Variants in CUX1 observed in about 807,000 individuals in gnomAD.
CUX1 encodes the protein protein CASP.
In CUX1, 31 loss-of-function variants were observed where a neutral mutation model predicts 158.8. That is an observed-to-expected ratio of 0.20 (90% CI 0.15 to 0.26). The LOEUF is 0.26. CUX1 is among the 10% of genes least tolerant of loss of function. CUX1 has a pLI of 1.00. For missense variants in CUX1, 1,589 were observed against 2,014.6 expected, an observed-to-expected ratio of 0.79 and a Z score of 4.04; for synonymous variants, 879 against 862.1, an observed-to-expected ratio of 1.02 and a Z score of -0.34.
chr7:102,203,233 T>G (rs1795630836), intron 18 of CUX1, among the ~76,000 whole-genome samples: 1 of 152,142 alleles, frequency 6.6e-6, no homozygotes, highest in Admixed American at 6.5e-5. Context: ...CCCCCTACCA[T>G]TTTAGATTAA....
chr7:101,982,702 C>T (rs1471043522), intron 2 of CUX1, among the ~76,000 whole-genome samples: 2 of 151,968 alleles, frequency 1.3e-5, no homozygotes, highest in Admixed American at 6.6e-5. Flanking sequence ...GCTGGGATTA[C>T]AGGTGTGAGC....
intron 1 of CUX1, among the ~76,000 whole-genome samples, chr7:101,870,144 G>GTTTTTTTGTTT (rs1798345044): frequency 9.0e-6 from 1 of 111,206 alleles, no homozygotes; most frequent in African/African-American, 3.7e-5. Context: ...GATGTTTAGT[G>GTTTTTTTGTTT]TTTTTTTTGT....
chr7:101,949,569 C>T (rs995603536), intron 2 of CUX1, among the ~76,000 whole-genome samples: 16 of 147,220 alleles, frequency 1.1e-4, no homozygotes, highest in African/African-American at 4.0e-4. Flanking sequence ...CTCACTCTGT[C>T]GCCCAGGCTG....
At chr7:101,881,479 C>G (rs1210272186) in intron 1 of CUX1, among the ~76,000 whole-genome samples, 1 of 152,210 alleles carries the variant, frequency 6.6e-6, no homozygotes, top group Non-Finnish European at 1.5e-5. Context: ...CTTGATTCCT[C>G]CTCGCTGGCT....
intron 1 of CUX1, among the ~76,000 whole-genome samples, chr7:101,907,724 A>G (rs1170179310): frequency 1.3e-5 from 2 of 152,080 alleles, no homozygotes; most frequent in Non-Finnish European, 1.5e-5. Flanking sequence ...GGAGCCCACG[A>G]AGAGAACAAA....
intron 1 of CUX1, among the ~76,000 whole-genome samples, chr7:101,900,101 A>G (rs1379889899): frequency 6.6e-6 from 1 of 152,200 alleles, no homozygotes; most frequent in East Asian, 1.9e-4. Flanking sequence ...TCACTGTTCC[A>G]GCGCCCAGAA....
chr7:101,879,750 C>A (rs1799526302), intron 1 of CUX1, among the ~76,000 whole-genome samples: 1 of 152,272 alleles, frequency 6.6e-6, no homozygotes, highest in Non-Finnish European at 1.5e-5. Flanking sequence ...CCGCAGGGTC[C>A]TTGGTGGAGC....
intron 2 of CUX1, among the ~76,000 whole-genome samples, chr7:101,979,154 A>G (rs1813096062): frequency 6.6e-6 from 1 of 152,136 alleles, no homozygotes; most frequent in Non-Finnish European, 1.5e-5. Context: ...CATGTTGACC[A>G]CTCAGAAAAC....
Position 102,038,842 on chromosome 7 carries a change from C to A in CUX1, c.189+10697C>A, listed in dbSNP as rs148978651. On this transcript the variant is annotated intron_variant, in intron 3 of 23. Transcript: ENST00000292535. ...TGGTGGCACATGCCTGTAGTCCCAG[C>A]TACTCAGGAGGCTGAGGCAGGAGGA... Among the ~76,000 whole-genome samples the A allele has an allele frequency of 8.9e-4, 135 of 152,186 alleles. 1 individual carries two copies. The highest frequency in any genetic ancestry group is 2.9e-3 in the African/African-American group (121 of 41,518).
At chr7:102,143,688 A>T (rs1284872388) in intron 8 of CUX1, among the ~76,000 whole-genome samples, 1 of 152,258 alleles carries the variant, frequency 6.6e-6, no homozygotes, top group African/African-American at 2.4e-5. Context: ...GCAAGTGGGT[A>T]AACGGGATTC....
intron 14 of CUX1, chr7:102,264,978 G>A (rs1294473472): frequency 6.6e-6 from 1 of 152,212 alleles, no homozygotes; most frequent in African/African-American, 2.4e-5. Context: ...CTGGTGCCTA[G>A]ACCACAGACA....
In CUX1 at chr7:102,099,009, A is replaced by T. The variant is rs115732552; in HGVS notation, c.406+1508A>T. Among the ~76,000 whole-genome samples the T allele has an allele frequency of 3.5e-3, 528 of 152,082 alleles. 4 individuals are homozygous for T. Among genetic ancestry groups the T allele is most frequent in the African/African-American group, 0.012 (502 of 41,492 alleles). ...TCCTTTGGCTTTAAAAACACTGCAG[A>T]TAGACCAGGGAAGAAGAATTGTCCA... On this transcript the variant is annotated intron_variant, in intron 5 of 23. Transcript: ENST00000292535.
At chr7:102,170,945 T>G (rs1586029346) in intron 10 of CUX1, among the ~76,000 whole-genome samples, 2 of 134,142 alleles carry the variant, frequency 1.5e-5, no homozygotes, top group African/African-American at 5.8e-5. Context: ...CTTTCCAAGA[T>G]GAGGAACAGT....
intron 20 of CUX1, 57 bp downstream of exon 20, chr7:102,205,227 T>A: frequency 7.7e-7 from 1 of 1,301,768 alleles, no homozygotes; most frequent in East Asian, 2.3e-5. Context: ...TTTTCTGTTG[T>A]CCCGTGCTGT....
At chr7:102,091,161 A>G (rs1554482089) in intron 4 of CUX1, among the ~76,000 whole-genome samples, 2 of 152,244 alleles carry the variant, frequency 1.3e-5, no homozygotes, top group Admixed American at 1.3e-4. Context: ...TAAAATAGTT[A>G]TTTTCCTCAA....
chr7:102,277,925 C>CT, intron 17 of CUX1: 5 of 1,037,298 alleles, frequency 4.8e-6, no homozygotes, highest in Admixed American at 4.7e-5. Context: ...TCCCCCACCC[C>CT]TTTCCTTGCC....
intron 20 of CUX1, among the ~76,000 whole-genome samples, chr7:102,216,762 T>A (rs1019438587): frequency 3.7e-5 from 4 of 107,926 alleles, no homozygotes; most frequent in Admixed American, 1.0e-4. Flanking sequence ...ACACACACAC[T>A]CTTCCACACA....
intron 9 of CUX1, among the ~76,000 whole-genome samples, chr7:102,169,914 AT>A (rs1310284148): frequency 3.3e-5 from 5 of 152,212 alleles, no homozygotes; most frequent in Non-Finnish European, 7.3e-5. Flanking sequence ...AGGGTTAAAT[AT>A]GTTGAAATAA....
rs367586602 is a variant in CUX1 at position 102,070,397 on chromosome 7, A to G, written c.248A>G (p.Lys83Arg). ...GAAGCAGCTTTCTTGAATGTCTACAAAAGATTGATTGACGTCCCAGGTAAG... is the reference window on the plus strand; with the variant it reads ...GAAGCAGCTTTCTTGAATGTCTACAGAAGATTGATTGACGTCCCAGGTAAG... ...EAEAAFLNVYKRLIDVPDPVP... is the reference protein window; with the variant it reads ...EAEAAFLNVYRRLIDVPDPVP... The change falls in exon 4 of 24, where the codon AAA (lysine) becomes AGA (arginine). Residue 83 changes from lysine (K) to arginine (R), a missense_variant. Around this residue, in one of 8 missense-constraint regions of CUX1, gnomAD observed 63 missense variants for 109.2 expected, o/e 0.58. Coordinates refer to ENST00000292535, the MANE Select transcript of CUX1 (RefSeq NM_181552.4). 3.1e-6 allele frequency: 5 copies of G among 1,610,834 alleles called. No individual in the cohort carries two copies. Among genetic ancestry groups the G allele is most frequent in the Non-Finnish European group, 8.5e-7 (1 of 1,179,162 alleles).
Sources: allele counts gnomAD v4.1 joint callset (sites outside exome capture counted in the v4.1 genomes callset), GRCh38; gene constraint gnomAD v4.1.1; regional missense constraint gnomAD v4.1.1; transcripts MANE v1.5; gene names NCBI Gene and HGNC (gene_info 2026-07-23, HGNC 2026-07-21).